The following IGF2BP1 variants were observed in gnomAD, a reference collection of about 807,000 sequenced individuals.
The protein encoded by IGF2BP1 is insulin like growth factor 2 mRNA binding protein 1.
IGF2BP1 carries 11 observed loss-of-function variants against 74.9 expected under a neutral mutation model. The observed-to-expected ratio is 0.15, with a 90% CI of 0.09 to 0.24. The LOEUF (loss-of-function observed/expected upper bound fraction) is 0.24. IGF2BP1 is among the 10% of genes least tolerant of loss of function. The probability of loss-of-function intolerance (pLI) is 1.00; values close to 1 mark genes in which losing one functional copy is unlikely to be tolerated. For synonymous variants in IGF2BP1, 287 were observed against 281.8 expected (o/e 1.02, Z -0.18); for missense variants, 440 against 757.4 (o/e 0.58, Z 4.92).
intron 14 of IGF2BP1, among the ~76,000 whole-genome samples, chr17:49,046,753 A>G (rs75903387): frequency 1.8e-4 from 28 of 152,096 alleles, no homozygotes; most frequent in Non-Finnish European, 3.1e-4. Context: ...TCATGGAATA[A>G]TGATAACAGT....
At chr17:49,020,577 T>C (rs2041779976) in intron 2 of IGF2BP1, among the ~76,000 whole-genome samples, 1 of 152,180 alleles carries the variant, frequency 6.6e-6, no homozygotes, top group African/African-American at 2.4e-5. Context: ...GCTGCCTTTT[T>C]GATGACATAA....
intron 8 of IGF2BP1, 117 bp downstream of exon 8, chr17:49,041,617 T>G: frequency 7.3e-7 from 1 of 1,373,074 alleles, no homozygotes; most frequent in Non-Finnish European, 1.0e-6. Flanking sequence ...CTTCTGCCTC[T>G]TGAAGAAAAA....
intron 4 of IGF2BP1, 66 bp downstream of exon 4, chr17:49,026,583 C>G (rs926522550): frequency 7.4e-7 from 1 of 1,350,598 alleles, no homozygotes; most frequent in Non-Finnish European, 1.1e-6. Context: ...TGCATTTGTT[C>G]TGCTTCACTT....
At chr17:49,033,573 C>G (rs1242519463) in intron 5 of IGF2BP1, among the ~76,000 whole-genome samples, 1 of 151,818 alleles carries the variant, frequency 6.6e-6, no homozygotes, top group Non-Finnish European at 1.5e-5. Flanking sequence ...GAACTCCTGA[C>G]CTCAAGTGAT....
At position 49,021,671 on chromosome 17, in the gene IGF2BP1, C is replaced by G. The variant is rs572362419; in HGVS notation, c.237-3947C>G. 2.1e-4 allele frequency among the ~76,000 whole-genome samples: 32 copies of G among 152,306 alleles called. No individual in the cohort carries two copies. The South Asian group carries it at 6.6e-3, about 32-fold the overall frequency. Reference sequence around the variant, plus strand: ...GGGCTGGTTGCTTCATTCTTTGAATCCACAGGTTTATCAGCTATAGGAGGG... The same window carrying G: ...GGGCTGGTTGCTTCATTCTTTGAATGCACAGGTTTATCAGCTATAGGAGGG... On this transcript the variant is annotated intron_variant, in intron 2 of 14. Transcript: ENST00000290341.
intron 5 of IGF2BP1, among the ~76,000 whole-genome samples, chr17:49,032,578 G>A (rs1334705945): frequency 6.6e-6 from 1 of 152,104 alleles, no homozygotes; most frequent in Non-Finnish European, 1.5e-5. Context: ...ATTAATATCC[G>A]AGCCCGTTAT....
chr17:49,027,622 G>C (rs180850731), intron 4 of IGF2BP1, among the ~76,000 whole-genome samples: 406 of 152,140 alleles, frequency 2.7e-3, no homozygotes, highest in African/African-American at 9.4e-3. Context: ...GGAGGCCGAG[G>C]CAGGCGGATC....
chr17:49,025,293 G>A (rs751730269), intron 2 of IGF2BP1, among the ~76,000 whole-genome samples: 2 of 150,790 alleles, frequency 1.3e-5, no homozygotes, highest in Non-Finnish European at 2.9e-5. Context: ...AAAGGAATGA[G>A]AAAGTGGTGG....
Position 49,054,758 on chromosome 17 carries a change from C to T in IGF2BP1, c.*5314C>T, listed in dbSNP as rs2042205893. ...AGCCTGGGGAAACCAGAGCTGAGAC[C>T]TCTTCAACAGGGTTTCTTTGAGATC... On this transcript the variant is annotated 3_prime_UTR_variant, in exon 15 of 15. Transcript: ENST00000290341. 6.6e-6 allele frequency: 1 copy of T among 152,130 alleles called. No homozygotes were observed. The highest frequency in any genetic ancestry group is 1.5e-5 in the Non-Finnish European group (1 of 68,094). The allele number at this position is 152,130 out of a possible 1,614,324, so 9.4% of individuals were successfully genotyped here.
At chr17:49,003,974 G>C (rs1202858939) in intron 2 of IGF2BP1, among the ~76,000 whole-genome samples, 1 of 151,302 alleles carries the variant, frequency 6.6e-6, no homozygotes. Context: ...TTTCAAAAAA[G>C]AGAGAGAGTA....
intron 2 of IGF2BP1, among the ~76,000 whole-genome samples, chr17:49,003,494 A>G (rs1461759963): frequency 1.3e-5 from 2 of 152,046 alleles, no homozygotes; most frequent in African/African-American, 4.8e-5. Context: ...AGATCTGTTG[A>G]TTTTTGTGTG....
At chr17:49,007,860 T>A (rs2041568981) in intron 2 of IGF2BP1, among the ~76,000 whole-genome samples, 1 of 152,080 alleles carries the variant, frequency 6.6e-6, no homozygotes, top group Non-Finnish European at 1.5e-5. Flanking sequence ...TTTGGCAGGA[T>A]TTGGAGATGA....
At chr17:48,999,487 T>G (rs1303581404) in intron 2 of IGF2BP1, among the ~76,000 whole-genome samples, 11 of 152,122 alleles carry the variant, frequency 7.2e-5, no homozygotes, top group African/African-American at 2.2e-4. Flanking sequence ...CCGTTTTTTG[T>G]GGGGGAACCT....
intron 5 of IGF2BP1, among the ~76,000 whole-genome samples, chr17:49,034,736 CA>C (rs1254736118): frequency 3.7e-5 from 4 of 108,822 alleles, no homozygotes; most frequent in East Asian, 2.4e-4. Context: ...GACCCTGTCT[CA>C]AAAAAAACAC....
intron 5 of IGF2BP1, among the ~76,000 whole-genome samples, chr17:49,035,429 C>T (rs906782939): frequency 3.0e-4 from 45 of 152,310 alleles, no homozygotes; most frequent in African/African-American, 1.1e-3. Context: ...AGCTAGTGAG[C>T]AATAGAACTA....
At chr17:48,999,359 A>G (rs971734067) in intron 2 of IGF2BP1, among the ~76,000 whole-genome samples, 190 bp downstream of exon 2, 17 of 150,934 alleles carry the variant, frequency 1.1e-4, no homozygotes, top group Admixed American at 2.0e-4. Context: ...CAGCTTGTAA[A>G]AAAAAAATAA....
intron 2 of IGF2BP1, among the ~76,000 whole-genome samples, chr17:49,004,228 C>G (rs1389502757): frequency 2.6e-5 from 4 of 152,236 alleles, no homozygotes; most frequent in Non-Finnish European, 5.9e-5. Context: ...TCCCAGGCCG[C>G]TTGTGGTGCG....
Position 49,043,602 on chromosome 17 carries a change from C to T in IGF2BP1, c.1200+52C>T. 4 of 1,591,940 alleles carry T rather than the reference C, an allele frequency of 2.5e-6. No individual in the cohort carries two copies. In the South Asian group the frequency reaches 3.4e-5, roughly 13 times the overall value. On this transcript the variant is annotated intron_variant, in intron 10 of 14. Coordinates refer to ENST00000290341, the MANE Select transcript of IGF2BP1 (RefSeq NM_006546.4). ...ATCCCTGGGCCCATATGTGGCCTCCCTTAAGGGGGACTCAGCATGCTCTGG... is the reference window on the plus strand; with the variant it reads ...ATCCCTGGGCCCATATGTGGCCTCCTTTAAGGGGGACTCAGCATGCTCTGG...
intron 4 of IGF2BP1, among the ~76,000 whole-genome samples, 198 bp downstream of exon 4, chr17:49,026,715 T>G (rs866266734): frequency 2.4e-3 from 275 of 113,902 alleles, no homozygotes; most frequent in African/African-American, 8.7e-3. Flanking sequence ...CTTCCTGCCT[T>G]CCTGCCTGCC....
Sources: allele counts gnomAD v4.1 joint callset (sites outside exome capture counted in the v4.1 genomes callset), GRCh38; gene constraint gnomAD v4.1.1; transcripts MANE v1.5; gene names NCBI Gene and HGNC (gene_info 2026-07-23, HGNC 2026-07-21).